Variants in RMND5A observed in about 807,000 individuals in gnomAD.
The protein encoded by RMND5A is required for meiotic nuclear division 5 homolog A.
RMND5A carries 17 observed loss-of-function variants against 49.7 expected under a neutral mutation model. That is an observed-to-expected ratio of 0.34 (90% CI 0.23 to 0.51). The LOEUF is 0.51. Ranked by LOEUF, RMND5A falls within the 20% of genes least tolerant of loss-of-function variation. The pLI is 0.96. For synonymous variants in RMND5A, 156 were observed against 167.7 expected (o/e 0.93, Z 0.54); for missense variants, 255 against 471.3 (o/e 0.54, Z 4.25).
In RMND5A at chr2:86,769,749, T is replaced by A. The variant is rs555507988; in HGVS notation, c.855-274T>A. On this transcript the variant is annotated intron_variant, in intron 6 of 8. Transcript: ENST00000283632. ...TATTGGTGAGGTTTATTTAGAAAAT[T>A]TAGAGTTTTATTTTTTGTTTTGTTT... 3.9e-5 allele frequency among the ~76,000 whole-genome samples: 6 copies of A among 152,162 alleles called. 1 individual carries two copies. The South Asian group carries it at 1.2e-3, about 31-fold the overall frequency.
At chr2:86,760,067 G>A (rs867279059) in intron 4 of RMND5A, among the ~76,000 whole-genome samples, 40 of 150,698 alleles carry the variant, frequency 2.7e-4, no homozygotes, top group Admixed American at 1.2e-3. Context: ...TTTTTGAGAC[G>A]GAGTTTCACT....
intron 3 of RMND5A, among the ~76,000 whole-genome samples, chr2:86,752,819 C>A (rs751553067): frequency 6.6e-6 from 1 of 152,184 alleles, no homozygotes; most frequent in Non-Finnish European, 1.5e-5. Context: ...AGTCTGTAAA[C>A]CAAACCTCTA....
intron 6 of RMND5A, among the ~76,000 whole-genome samples, chr2:86,768,442 A>G (rs1350944942): frequency 1.3e-5 from 2 of 152,208 alleles, no homozygotes; most frequent in African/African-American, 2.4e-5. Flanking sequence ...GATGCCATCA[A>G]GTTCTCTGAG....
intron 2 of RMND5A, among the ~76,000 whole-genome samples, chr2:86,747,191 T>A (rs1681551784): frequency 6.6e-6 from 1 of 152,234 alleles, no homozygotes; most frequent in Admixed American, 6.5e-5. Flanking sequence ...ATTATCAGAC[T>A]TCAAATGTTT....
At chr2:86,767,735 T>C (rs936914311) in intron 6 of RMND5A, among the ~76,000 whole-genome samples, 2 of 152,240 alleles carry the variant, frequency 1.3e-5, no homozygotes, top group Non-Finnish European at 2.9e-5. Context: ...AATGGTAAAG[T>C]TTCAGATTCT....
At chr2:86,765,696 G>C in intron 5 of RMND5A, 163 bp from the exon 6 acceptor site, 1 of 593,260 alleles carries the variant, frequency 1.7e-6, no homozygotes. Flanking sequence ...TCTCCATGCT[G>C]TTTAATTTAG....
chr2:86,766,047 T>C (rs1256483402), intron 6 of RMND5A, 23 bp downstream of exon 6: 1 of 1,603,244 alleles, frequency 6.2e-7, no homozygotes, highest in Admixed American at 1.7e-5. Context: ...GCCCTGTCTG[T>C]TATTGAAGTA....
At chr2:86,754,083 TAATA>T (rs1265935180) in intron 4 of RMND5A, among the ~76,000 whole-genome samples, 1 of 152,264 alleles carries the variant, frequency 6.6e-6, no homozygotes, top group Non-Finnish European at 1.5e-5. Context: ...CTGTAAGCTA[TAATA>T]AATATTATTC....
At chr2:86,756,488 C>T (rs959375655) in intron 4 of RMND5A, among the ~76,000 whole-genome samples, 4 of 152,212 alleles carry the variant, frequency 2.6e-5, no homozygotes, top group Non-Finnish European at 4.4e-5. Flanking sequence ...TTTGACCAAT[C>T]TTGTTTTCCC....
chr2:86,762,182 T>C (rs1672499302), intron 4 of RMND5A, among the ~76,000 whole-genome samples: 1 of 152,230 alleles, frequency 6.6e-6, no homozygotes, highest in Admixed American at 6.5e-5. Flanking sequence ...TAATATGGTA[T>C]TGATTGGTGT....
At chr2:86,773,236 G>A (rs1672711850) in intron 8 of RMND5A, 112 bp from the exon 9 acceptor site, 1 of 513,610 alleles carries the variant, frequency 1.9e-6, no homozygotes, top group Non-Finnish European at 3.5e-6. Context: ...ACTTGTTTTT[G>A]TGTGTTCTTA....
At chr2:86,749,894 A>T (rs1681603873) in intron 2 of RMND5A, among the ~76,000 whole-genome samples, 1 of 152,168 alleles carries the variant, frequency 6.6e-6, no homozygotes, top group South Asian at 2.1e-4. Flanking sequence ...AGGGAGAAAA[A>T]TGTGCTTAAT....
chr2:86,720,712 G>T lies in RMND5A; in HGVS notation c.45G>T (p.Leu15=), dbSNP rs150204526. 111 of 1,582,666 alleles carry T rather than the reference G, an allele frequency of 7.0e-5. No individual in the cohort carries two copies. The highest frequency in any genetic ancestry group is 9.3e-5 in the Non-Finnish European group (109 of 1,166,058). The change falls in exon 1 of 9, where the codon CTG becomes CTT. Residue 15 remains leucine (L), a synonymous_variant. Transcript: ENST00000283632. ...TGGAGCGCGAGCTGGAGAAGGTGCT[G>T]CACAAGTTCTCAGGCTACGGGCAGC... ...VTVERELEKV[L]HKFSGYGQLC... is the part of the protein sequence containing the mutation.
At chr2:86,766,674 A>G (rs935031292) in intron 6 of RMND5A, among the ~76,000 whole-genome samples, 2 of 150,248 alleles carry the variant, frequency 1.3e-5, no homozygotes, top group South Asian at 2.1e-4. Context: ...AAAAAAAAAA[A>G]AAAAAAAAGA....
intron 4 of RMND5A, among the ~76,000 whole-genome samples, chr2:86,762,221 G>A (rs565213975): frequency 2.0e-5 from 3 of 152,358 alleles, no homozygotes; most frequent in Admixed American, 2.0e-4. Flanking sequence ...GACCCCTGGT[G>A]CTGATCTAAG....
intron 2 of RMND5A, among the ~76,000 whole-genome samples, chr2:86,749,090 G>A (rs773954383): frequency 3.0e-4 from 45 of 152,160 alleles, no homozygotes; most frequent in Non-Finnish European, 5.7e-4. Context: ...TGGCCCTTTG[G>A]GAAGTGGAAT....
At chr2:86,743,956 C>G (rs1262721773) in intron 2 of RMND5A, among the ~76,000 whole-genome samples, 5 of 144,978 alleles carry the variant, frequency 3.4e-5, no homozygotes, top group Non-Finnish European at 7.5e-5. Context: ...CCAGTCTGGG[C>G]AACAGAGCGA....
chr2:86,765,007 C>CT lies in RMND5A; in HGVS notation c.522-14dup, dbSNP rs1672566534. 1.3e-6 allele frequency: 2 copies of CT among 1,582,536 alleles called. No homozygotes were observed. Among genetic ancestry groups the CT allele is most frequent in the Admixed American group, 2.0e-5 (1 of 51,082 alleles). The stretch of plus-strand genomic sequence containing the variant: ...TGCTTATGCTTTTGATTCTTAAAGT[C>CT]TTTTTTGCCTTTTCTTTAGGTGGGC... On this transcript the variant is annotated intron_variant, in intron 4 of 8. Coordinates refer to ENST00000283632, the MANE Select transcript of RMND5A (RefSeq NM_022780.4).
At chr2:86,762,700 C>CATATATATCAT (rs1553427782) in intron 4 of RMND5A, among the ~76,000 whole-genome samples, 3 of 5,498 alleles carry the variant, frequency 5.5e-4, no homozygotes, top group African/African-American at 1.8e-3. Flanking sequence ...TCATATATAT[C>CATATATATCAT]ATATATATCA....
Sources: gnomAD v4.1 joint callset for allele counts (sites outside exome capture counted in the v4.1 genomes callset) on GRCh38, gnomAD v4.1.1 for gene constraint, MANE v1.5 for transcripts, NCBI Gene and HGNC (gene_info 2026-07-23, HGNC 2026-07-21) for gene names.